The following DHX36 variants were observed in gnomAD, a reference collection of about 807,000 sequenced individuals.
The protein encoded by DHX36 is DEAH-box helicase 36.
In DHX36, 50 loss-of-function variants were observed where a neutral mutation model predicts 139.0. That is an observed-to-expected ratio of 0.36 (90% confidence interval 0.29 to 0.46). DHX36 has a LOEUF of 0.46. Ranked by LOEUF, DHX36 falls within the 20% of genes least tolerant of loss-of-function variation. The pLI, the probability that DHX36 is intolerant of heterozygous loss-of-function variation, is 1.00. For missense variants in DHX36, 1,024 were observed against 1,211.3 expected (o/e 0.85, Z 2.29); for synonymous variants, 425 against 401.9 (o/e 1.06, Z -0.69).
intron 17 of DHX36, among the ~76,000 whole-genome samples, chr3:154,285,909 A>T (rs1711534369): frequency 1.3e-5 from 2 of 152,064 alleles, no homozygotes; most frequent in South Asian, 4.1e-4. Context: ...TTACAAGGAC[A>T]TCTGAAGAAA....
Position 154,324,266 on chromosome 3 carries a change from C to A in DHX36, c.151G>T (p.Gly51Cys). Residue 51 changes from glycine to cysteine, a missense_variant, in exon 1 of 25, where the codon GGC becomes TGC. By Grantham distance (159) the Gly-to-Cys change is radical. This residue lies in a region of DHX36 where 293 missense variants were observed against 274.4 expected (regional missense o/e 1.07). Transcript: ENST00000496811. Reference protein sequence around the residue: ...GGGGGGRGGRGRHPGHLKGRE... With the variant: ...GGGGGGRGGRCRHPGHLKGRE... ...CCTTTCAGGTGCCCGGGATGCCGGC[C>A]CCTGCCGCCTCGACCACCCCCTCCG... The A allele has an allele frequency of 2.5e-6, 4 of 1,613,640 alleles. No individual in the cohort carries two copies. The highest frequency in any genetic ancestry group is 3.4e-6 in the Non-Finnish European group (4 of 1,179,794).
intron 9 of DHX36, among the ~76,000 whole-genome samples, chr3:154,301,448 A>G (rs1457252986): frequency 6.6e-6 from 1 of 152,176 alleles, no homozygotes; most frequent in Non-Finnish European, 1.5e-5. Flanking sequence ...TATTAATGTT[A>G]AGTCCAAACC....
At position 154,290,951 on chromosome 3, in the gene DHX36, G is replaced by A. The variant is rs541489191; in HGVS notation, c.1815-1125C>T. ...AGATCGAGACCATCCCGGCTAAAAC[G>A]GTGAAACCCCGTCTCTACTAAAAAT... On this transcript the variant is annotated intron_variant, in intron 15 of 24. Transcript: ENST00000496811. Among the ~76,000 whole-genome samples, 1,074 of 150,514 alleles carry A rather than the reference G, an allele frequency of 7.1e-3. 14 individuals are homozygous for A. Among genetic ancestry groups the A allele is most frequent in the African/African-American group, 0.025 (1,029 of 41,036 alleles).
intron 12 of DHX36, among the ~76,000 whole-genome samples, chr3:154,298,976 A>G (rs1712151872): frequency 6.6e-6 from 1 of 151,658 alleles, no homozygotes; most frequent in African/African-American, 2.4e-5. Flanking sequence ...GTAGGGTTAG[A>G]AATTATATTC....
intron 12 of DHX36, among the ~76,000 whole-genome samples, chr3:154,298,363 T>C (rs904851050): frequency 6.6e-6 from 1 of 152,088 alleles, no homozygotes; most frequent in African/African-American, 2.4e-5. Context: ...ATTTAGCCAA[T>C]AAAAAAATTC....
Position 154,281,966 on chromosome 3 carries a change from G to A in DHX36, c.2377-1104C>T, listed in dbSNP as rs116673891. Among the ~76,000 whole-genome samples the A allele has an allele frequency of 2.1e-3, 327 of 152,104 alleles. 1 individual carries two copies. The highest frequency in any genetic ancestry group is 7.3e-3 in the African/African-American group (305 of 41,510). On this transcript the variant is annotated intron_variant, in intron 20 of 24. Coordinates refer to ENST00000496811, the MANE Select transcript of DHX36 (RefSeq NM_020865.3). ...CCCTTTTAACTAACAGCATTTCACC[G>A]TCAATGGGCTTTTCAAGAAGAGCTC... is the stretch of plus-strand genomic sequence containing the variant.
At chr3:154,277,036 T>C (rs1719170703) in intron 23 of DHX36, 137 bp from the exon 24 acceptor site, 3 of 724,876 alleles carry the variant, frequency 4.1e-6, no homozygotes, top group Non-Finnish European at 4.3e-6. Context: ...TTACAGAGAT[T>C]TGTAAGAAAT....
intron 18 of DHX36, 57 bp downstream of exon 18, chr3:154,284,757 T>C: frequency 6.3e-7 from 1 of 1,599,490 alleles, no homozygotes; most frequent in Non-Finnish European, 8.5e-7. Flanking sequence ...GAAAAATATA[T>C]CTAAGCAACT....
intron 12 of DHX36, among the ~76,000 whole-genome samples, chr3:154,296,203 G>A (rs546092445): frequency 1.3e-5 from 2 of 152,236 alleles, no homozygotes; most frequent in East Asian, 3.9e-4. Flanking sequence ...GGCCAGGCGC[G>A]GTGGCTCATG....
At chr3:154,289,601 G>A in intron 16 of DHX36, 108 bp downstream of exon 16, 1 of 701,970 alleles carries the variant, frequency 1.4e-6, no homozygotes, top group South Asian at 1.9e-5. Flanking sequence ...GAAATAAATT[G>A]TGAGTTAATA....
In DHX36 at chr3:154,311,714, T is replaced by C. The variant is rs765791026; in HGVS notation, c.604-40A>G. The stretch of plus-strand genomic sequence containing the variant: ...AAGTTTTAAATTTTCACAGAAGATA[T>C]GTAATCAAATTATAATCATGGTATT... On this transcript the variant is annotated intron_variant, in intron 3 of 24. Coordinates refer to ENST00000496811, the MANE Select transcript of DHX36 (RefSeq NM_020865.3). 4.0e-6 allele frequency: 6 copies of C among 1,501,322 alleles called. No individual in the cohort carries two copies. In the South Asian group the frequency reaches 7.3e-5, roughly 18 times the overall value. The allele number at this position is 1,501,322 out of a possible 1,614,324, so 93.0% of individuals were successfully genotyped here.
chr3:154,293,511 G>C (rs926208361), intron 14 of DHX36, among the ~76,000 whole-genome samples: 2 of 152,162 alleles, frequency 1.3e-5, no homozygotes, highest in South Asian at 2.1e-4. Context: ...GAGCTGAGGA[G>C]ATCAAGGCTG....
Position 154,305,115 on chromosome 3 carries a change from A to G in DHX36, c.947T>C (p.Leu316Pro). 1 of 1,613,732 alleles carries G rather than the reference A, an allele frequency of 6.2e-7. No homozygotes were observed. The highest frequency in any genetic ancestry group is 8.5e-7 in the Non-Finnish European group (1 of 1,179,886). Residue 316 changes from leucine to proline, a missense_variant, in exon 7 of 25, where the codon CTT becomes CCT. Leu to Pro is a moderately conservative substitution (Grantham distance 98). Transcript: ENST00000496811. ...TCACGGGTCTGACTGGAGCCACTGA[A>G]GGATGATTCCTGTTGTACAGTATAA... Reference protein sequence around the residue: ...SILYCTTGIILQWLQSDPYLS... With the variant: ...SILYCTTGIIPQWLQSDPYLS...
intron 1 of DHX36, among the ~76,000 whole-genome samples, chr3:154,318,868 C>T (rs355773): frequency 0.91 from 137,909 of 152,238 alleles, 62,701 homozygotes; most frequent in East Asian, 1. Context: ...TCCTATACTT[C>T]TTGCAGTGTC....
chr3:154,292,707 C>CA lies in DHX36; in HGVS notation c.1671-14dup, dbSNP rs758272068. ...ATCTATGGTAATGCTGTTTGGAAAA[C>CA]AGATATATAAAATGTTAAAACACAC... On this transcript the variant is annotated splice_polypyrimidine_tract_variant and intron_variant, in intron 14 of 24. Coordinates refer to ENST00000496811, the MANE Select transcript of DHX36 (RefSeq NM_020865.3). 4.0e-5 allele frequency: 64 copies of CA among 1,605,562 alleles called. No individual in the cohort carries two copies. Among genetic ancestry groups the CA allele is most frequent in the Non-Finnish European group, 5.2e-5 (61 of 1,177,972 alleles).
chr3:154,277,510 T>C, intron 23 of DHX36, 88 bp downstream of exon 23: 1 of 1,321,826 alleles, frequency 7.6e-7, no homozygotes, highest in Non-Finnish European at 9.9e-7. Flanking sequence ...AAAAAAAAAA[T>C]TTTGTATATA....
In DHX36 at chr3:154,277,550, CAAT is replaced by C. The variant is rs770862339; in HGVS notation, c.2688+45_2688+47del. On this transcript the variant is annotated intron_variant, in intron 23 of 24. Transcript: ENST00000496811. ...TTAAAACTACACAATCATAAAAATA[CAAT>C]GAGACTGATAATCAGATCCTTAATT... 10 of 1,534,332 alleles carry C rather than the reference CAAT, an allele frequency of 6.5e-6. No individual in the cohort carries two copies. The East Asian group carries it at 2.3e-4, about 35-fold the overall frequency.
chr3:154,295,144 G>T (rs565740712), intron 13 of DHX36, 140 bp downstream of exon 13: 2 of 514,316 alleles, frequency 3.9e-6, no homozygotes, highest in Admixed American at 8.6e-5. Flanking sequence ...ATTTGCAAAG[G>T]TTCTCAAAGA....
chr3:154,323,195 G>A (rs1713265391), intron 1 of DHX36, among the ~76,000 whole-genome samples: 1 of 151,952 alleles, frequency 6.6e-6, no homozygotes, highest in Admixed American at 6.6e-5. Flanking sequence ...ATTAGCCGGA[G>A]GTGGTGGCGG....
Sources: gnomAD v4.1 joint callset for allele counts (sites outside exome capture counted in the v4.1 genomes callset) on GRCh38, gnomAD v4.1.1 for gene constraint, gnomAD v4.1.1 regional missense constraint, MANE v1.5 for transcripts, NCBI Gene and HGNC (gene_info 2026-07-23, HGNC 2026-07-21) for gene names.